ATP8A1: variants seen among roughly 807,000 people sequenced by gnomAD.
The protein encoded by ATP8A1 is ATPase phospholipid transporting 8A1, also known as phospholipid-transporting ATPase IA.
In ATP8A1, 90 loss-of-function variants were observed where a neutral mutation model predicts 177.7. The observed-to-expected ratio is 0.51, with a 90% CI of 0.43 to 0.60. The LOEUF (loss-of-function observed/expected upper bound fraction) is 0.60, where lower values mean the gene tolerates loss of function less well. ATP8A1 is among the 20% of genes least tolerant of loss of function. The pLI is 0.00. For missense variants in ATP8A1, 1,072 were observed against 1,392.8 expected (o/e 0.77, Z 3.67); for synonymous variants, 493 against 485.9 (o/e 1.01, Z -0.19).
intron 27 of ATP8A1, among the ~76,000 whole-genome samples, chr4:42,463,738 T>C (rs1198874423): frequency 6.6e-6 from 1 of 152,202 alleles, no homozygotes; most frequent in Non-Finnish European, 1.5e-5. Context: ...ATAAAACGGA[T>C]TATAGAAATC....
intron 19 of ATP8A1, 133 bp from the exon 20 acceptor site, chr4:42,544,119 C>T (rs2153207118): frequency 1.5e-6 from 1 of 669,398 alleles, no homozygotes; most frequent in Non-Finnish European, 2.5e-6. Flanking sequence ...TAACCTTCCA[C>T]ATACACAAAC....
chr4:42,636,406 GGA>G lies in ATP8A1; in HGVS notation c.50-9299_50-9298del, dbSNP rs34510239. ...AGCAGCTGTTCAGAGACGGGTAGGG[GGA>G]GAGAGAGAGAGAGAGCTCATGAAAA... On this transcript the variant is annotated intron_variant, in intron 1 of 36. Transcript: ENST00000381668. 5.7e-3 allele frequency among the ~76,000 whole-genome samples: 860 copies of G among 150,658 alleles called. 9 individuals are homozygous for G. Among genetic ancestry groups the G allele is most frequent in the African/African-American group, 0.02 (823 of 41,014 alleles).
Position 42,579,806 on chromosome 4 carries a change from T to C in ATP8A1, c.1000+7A>G, listed in dbSNP as rs777567322. ...TAAAAAAGTGCAGTAAGCACTTTAT[T>C]GCTTACAGTTTAGATTGAGATACCA... On this transcript the variant is annotated splice_region_variant and intron_variant, in intron 11 of 36. Coordinates refer to ENST00000381668, the MANE Select transcript of ATP8A1 (RefSeq NM_006095.2). 6.4e-5 allele frequency: 103 copies of C among 1,609,500 alleles called. No individual in the cohort carries two copies. Among genetic ancestry groups the C allele is most frequent in the Non-Finnish European group, 8.7e-5 (102 of 1,178,396 alleles).
At chr4:42,631,042 C>G (rs979686965) in intron 1 of ATP8A1, among the ~76,000 whole-genome samples, 1 of 152,126 alleles carries the variant, frequency 6.6e-6, no homozygotes, top group Non-Finnish European at 1.5e-5. Context: ...GTCTATTATA[C>G]TTAAAGAGCT....
chr4:42,601,782 C>T (rs1199392611), intron 5 of ATP8A1, among the ~76,000 whole-genome samples: 2 of 152,082 alleles, frequency 1.3e-5, no homozygotes, highest in South Asian at 2.1e-4. Flanking sequence ...TTTATAGGTA[C>T]AAAAACAGAT....
At chr4:42,516,386 A>G (rs889451832) in intron 22 of ATP8A1, among the ~76,000 whole-genome samples, 1 of 152,214 alleles carries the variant, frequency 6.6e-6, no homozygotes. Flanking sequence ...AAAGCATTGG[A>G]TAAGTTTCCA....
At chr4:42,517,668 G>A (rs1159201618) in intron 22 of ATP8A1, among the ~76,000 whole-genome samples, 1 of 152,082 alleles carries the variant, frequency 6.6e-6, no homozygotes, top group Non-Finnish European at 1.5e-5. Flanking sequence ...TTTAGTAACA[G>A]CAAAAGAAAA....
At chr4:42,568,942 A>T (rs1395897547) in intron 15 of ATP8A1, among the ~76,000 whole-genome samples, 1 of 152,196 alleles carries the variant, frequency 6.6e-6, no homozygotes, top group Non-Finnish European at 1.5e-5. Context: ...AAACTCTGGC[A>T]AACCTAATCT....
intron 14 of ATP8A1, among the ~76,000 whole-genome samples, chr4:42,571,809 C>T (rs1731933849): frequency 6.6e-6 from 1 of 152,160 alleles, no homozygotes; most frequent in Admixed American, 6.5e-5. Flanking sequence ...AGATAATCAT[C>T]ATTGGCAACT....
rs1741668011 is a variant in ATP8A1, at chr4:42,656,722, G to T, written c.49+103C>A. 8.4e-6 allele frequency: 11 copies of T among 1,302,204 alleles called. 1 individual carries two copies. In the South Asian group the frequency reaches 1.6e-4, roughly 19 times the overall value. 80.7% of individuals were successfully genotyped at this position (1,302,204 alleles called of 1,614,324 possible). A position where few individuals can be genotyped will look rare whatever the true frequency, so the allele number is the denominator to read the frequency against. On this transcript the variant is annotated intron_variant, in intron 1 of 36. Transcript: ENST00000381668. ...CGGGCGCGACAGTCGGACTGCCGCC[G>T]GGGAAGAGGTAGGATGCGGTCTCTT...
At chr4:42,517,222 A>G (rs1578090644) in intron 22 of ATP8A1, among the ~76,000 whole-genome samples, 1 of 148,340 alleles carries the variant, frequency 6.7e-6, no homozygotes, top group African/African-American at 2.5e-5. Flanking sequence ...AATCGCTTGA[A>G]CCCAGGAGGC....
At chr4:42,472,418 A>AG in intron 25 of ATP8A1, 1 of 343,736 alleles carries the variant, frequency 2.9e-6, no homozygotes, top group Non-Finnish European at 5.6e-6. Context: ...AAAAAAAAAA[A>AG]AAGGTAGTGG....
At chr4:42,601,202 A>G (rs1292688958) in intron 5 of ATP8A1, among the ~76,000 whole-genome samples, 1 of 151,898 alleles carries the variant, frequency 6.6e-6, no homozygotes, top group Admixed American at 6.6e-5. Context: ...TGTGTGGCTA[A>G]TTTTTGTATT....
chr4:42,450,412 T>A (rs35949974), intron 30 of ATP8A1, among the ~76,000 whole-genome samples: 15,197 of 152,196 alleles, frequency 0.1, 998 homozygotes, highest in Admixed American at 0.16. Flanking sequence ...GACATCTGCA[T>A]AATTCAGTGA....
In ATP8A1 at chr4:42,465,169, A is replaced by C. The variant is rs543879463; in HGVS notation, c.2325-93T>G. The C allele has an allele frequency of 2.5e-5, 27 of 1,098,116 alleles. No individual in the cohort carries two copies. In the East Asian group the frequency reaches 4.2e-4, roughly 17 times the overall value. 68.0% of individuals were successfully genotyped at this position (1,098,116 alleles called of 1,614,324 possible). The stretch of plus-strand genomic sequence containing the variant: ...AAGGATAAAAGATGCAAAAGACCTA[A>C]ATGAATAGTTCTCTGAAGAAACCTT... On this transcript the variant is annotated intron_variant, in intron 25 of 36. Coordinates refer to ENST00000381668, the MANE Select transcript of ATP8A1 (RefSeq NM_006095.2).
intron 33 of ATP8A1, among the ~76,000 whole-genome samples, chr4:42,424,067 A>G (rs1714304653): frequency 6.6e-6 from 1 of 152,136 alleles, no homozygotes; most frequent in Non-Finnish European, 1.5e-5. Context: ...AAAAACAACA[A>G]TTTGATTATT....
intron 29 of ATP8A1, among the ~76,000 whole-genome samples, chr4:42,454,747 G>T (rs1352695847): frequency 6.6e-6 from 1 of 152,082 alleles, no homozygotes; most frequent in African/African-American, 2.4e-5. Flanking sequence ...ATTTTATCTT[G>T]TATTTTTAAT....
At chr4:42,450,174 T>C (rs1019829034) in intron 30 of ATP8A1, among the ~76,000 whole-genome samples, 1 of 152,190 alleles carries the variant, frequency 6.6e-6, no homozygotes, top group Admixed American at 6.5e-5. Context: ...GGAATATTAT[T>C]CAGCCATAAA....
At chr4:42,574,120 A>G (rs1166853525) in intron 14 of ATP8A1, among the ~76,000 whole-genome samples, 1 of 152,208 alleles carries the variant, frequency 6.6e-6, no homozygotes, top group Non-Finnish European at 1.5e-5. Context: ...GATGATATTA[A>G]TTATCCTCCA....
Sources: gnomAD v4.1 joint callset for allele counts (sites outside exome capture counted in the v4.1 genomes callset) on GRCh38, gnomAD v4.1.1 for gene constraint, MANE v1.5 for transcripts, NCBI Gene and HGNC (gene_info 2026-07-23, HGNC 2026-07-21) for gene names.